UFSP1: variants seen among roughly 807,000 people sequenced by gnomAD.
UFSP1 encodes UFM1 specific peptidase 1, also known as ufm1-specific protease 1.
For missense variants in UFSP1, 261 were observed against 182.7 expected (o/e 1.43, Z -2.47); for synonymous variants, 119 against 77.6 (o/e 1.53, Z -2.81).
Position 100,888,943 on chromosome 7 carries a change from A to AC in UFSP1, c.328dup (p.Val110GlyfsTer11). On this transcript the variant is annotated frameshift_variant, in exon 1 of 1. Transcript: ENST00000388761. LOFTEE classifies it low-confidence loss of function (END_TRUNC). ...GGCTGCACTCACCTCTTGCCAGCCCACCCACCCAGCAGCCTGTAGTTCACT... is the reference window on the plus strand; with the variant it reads ...GGCTGCACTCACCTCTTGCCAGCCCACCCCACCCAGCAGCCTGTAGTTCACT... 9 of 1,614,072 alleles carry AC rather than the reference A, an allele frequency of 5.6e-6. No homozygotes were observed. Among genetic ancestry groups the AC allele is most frequent in the Non-Finnish European group, 7.6e-6 (9 of 1,180,006 alleles).
chr7:100,888,861 C>T lies in UFSP1; in HGVS notation c.411G>A (p.Gln137=). ...TTCGTCCTCAGTCCAAGGTGCGCTGCTGCTGTTGGGAGCTAAGGCTGGTCA... is the reference window on the plus strand; with the variant it reads ...TTCGTCCTCAGTCCAAGGTGCGCTGTTGCTGTTGGGAGCTAAGGCTGGTCA... Residue 137 remains glutamine, a synonymous_variant, in exon 1 of 1, where the codon CAG becomes CAA. Coordinates refer to ENST00000388761, the MANE Select transcript of UFSP1 (RefSeq NM_001015072.4). The T allele has an allele frequency of 6.2e-7, 1 of 1,610,538 alleles. No individual in the cohort carries two copies.
chr7:100,889,253 CG>C lies in UFSP1; in HGVS notation c.18del (p.Gly7AlafsTer73). 1.3e-6 allele frequency: 2 copies of C among 1,541,162 alleles called. No homozygotes were observed. Among genetic ancestry groups the C allele is most frequent in the South Asian group, 2.5e-5 (2 of 81,206 alleles). ...ATCCAGTCCCGGGAGCCCCGGAAGCCGGGGGGCTTGTCGCCCATGTCCTCCA... is the reference window on the plus strand; with the variant it reads ...ATCCAGTCCCGGGAGCCCCGGAAGCCGGGGGCTTGTCGCCCATGTCCTCCA... On this transcript the variant is annotated frameshift_variant, in exon 1 of 1. Coordinates refer to ENST00000388761, the MANE Select transcript of UFSP1 (RefSeq NM_001015072.4). LOFTEE classifies it low-confidence loss of function (END_TRUNC).
At position 100,889,085 on chromosome 7, in the gene UFSP1, C is replaced by G. The variant is rs1200065824; in HGVS notation, c.187G>C (p.Val63Leu). 11 of 1,613,822 alleles carry G rather than the reference C, an allele frequency of 6.8e-6. No homozygotes were observed. The South Asian group carries it at 8.8e-5, about 13-fold the overall frequency. The change falls in exon 1 of 1, where the codon GTT becomes CTT. Residue 63 changes from valine (V) to leucine (L), a missense_variant. Coordinates refer to ENST00000388761, the MANE Select transcript of UFSP1 (RefSeq NM_001015072.4). Reference sequence around the variant, plus strand: ...GACCTGGCATCTGCGTCCCCCCCAACCATGACTGGGCCCCCACCCCCTGCG... The same window carrying G: ...GACCTGGCATCTGCGTCCCCCCCAAGCATGACTGGGCCCCCACCCCCTGCG...
At position 100,889,253 on chromosome 7, in the gene UFSP1, C is replaced by CG. The variant is rs1790484558; in HGVS notation, c.18dup (p.Gly7ArgfsTer97). ...ATCCAGTCCCGGGAGCCCCGGAAGCCGGGGGGCTTGTCGCCCATGTCCTCC... is the reference window on the plus strand; with the variant it reads ...ATCCAGTCCCGGGAGCCCCGGAAGCCGGGGGGGCTTGTCGCCCATGTCCTCC... On this transcript the variant is annotated frameshift_variant, in exon 1 of 1. Coordinates refer to ENST00000388761, the MANE Select transcript of UFSP1 (RefSeq NM_001015072.4). LOFTEE classifies it low-confidence loss of function (END_TRUNC). 2.6e-6 allele frequency: 4 copies of CG among 1,541,172 alleles called. No homozygotes were observed. Among genetic ancestry groups the CG allele is most frequent in the Non-Finnish European group, 3.5e-6 (4 of 1,148,576 alleles).
Position 100,889,120 on chromosome 7 carries a change from T to C in UFSP1, c.152A>G (p.Tyr51Cys). The stretch of plus-strand genomic sequence containing the variant: ...GCCCCCACCCCCTGCGAAGTGCGAG[T>C]AAAGCCTCTCCAGCTCCCCGTGCAG... The change falls in exon 1 of 1, where the codon TAC becomes TGC. Residue 51 changes from tyrosine to cysteine, a missense_variant. Tyr to Cys is a radical substitution (Grantham distance 194). Coordinates refer to ENST00000388761, the MANE Select transcript of UFSP1 (RefSeq NM_001015072.4). 6.2e-7 allele frequency: 1 copy of C among 1,612,648 alleles called. No homozygotes were observed. Among genetic ancestry groups the C allele is most frequent in the African/African-American group, 1.3e-5 (1 of 74,818 alleles).
In UFSP1 at chr7:100,889,000, T is replaced by G. The variant is rs754539119; in HGVS notation, c.272A>C (p.Asp91Ala). 1 of 1,613,862 alleles carries G rather than the reference T, an allele frequency of 6.2e-7. No individual in the cohort carries two copies. Among genetic ancestry groups the G allele is most frequent in the East Asian group, 2.2e-5 (1 of 44,874 alleles). Residue 91 changes from aspartate (D) to alanine (A), a missense_variant, in exon 1 of 1, where the codon GAC (aspartate) becomes GCC (alanine). Asp to Ala is a moderately radical substitution (Grantham distance 126). Coordinates refer to ENST00000388761, the MANE Select transcript of UFSP1 (RefSeq NM_001015072.4). ...TTTTGGAGTGCCCCAGTAGTGAGGG[T>G]CCAATACCAGGACATAGGCTTCCGT...
At position 100,888,739 on chromosome 7, in the gene UFSP1, CTT is replaced by C; in HGVS notation, c.*102_*103del. 1 of 1,508,906 alleles carries C rather than the reference CTT, an allele frequency of 6.6e-7. No homozygotes were observed. Among genetic ancestry groups the C allele is most frequent in the Non-Finnish European group, 9.1e-7 (1 of 1,096,968 alleles). 93.5% of individuals were successfully genotyped at this position (1,508,906 alleles called of 1,614,324 possible). ...CCTGAGGTGTTGCTCAGCCCTGCCA[CTT>C]TTATTATTGATGTCAAAAGCGCCAG... On this transcript the variant is annotated 3_prime_UTR_variant, in exon 1 of 1. Transcript: ENST00000388761.
chr7:100,888,721 T>A lies in UFSP1; in HGVS notation c.*122A>T. ...CATCCTTCCAGAGTAACTCCTGAGGTGTTGCTCAGCCCTGCCACTTTTATT... is the reference window on the plus strand; with the variant it reads ...CATCCTTCCAGAGTAACTCCTGAGGAGTTGCTCAGCCCTGCCACTTTTATT... On this transcript the variant is annotated 3_prime_UTR_variant, in exon 1 of 1. Coordinates refer to ENST00000388761, the MANE Select transcript of UFSP1 (RefSeq NM_001015072.4). 1 of 1,439,826 alleles carries A rather than the reference T, an allele frequency of 6.9e-7. No homozygotes were observed. The highest frequency in any genetic ancestry group is 9.7e-7 in the Non-Finnish European group (1 of 1,027,992). The allele number at this position is 1,439,826 out of a possible 1,614,324, so 89.2% of individuals were successfully genotyped here.
At position 100,889,130 on chromosome 7, in the gene UFSP1, C is replaced by G. The variant is rs752042824; in HGVS notation, c.142G>C (p.Glu48Gln). 34 of 1,613,150 alleles carry G rather than the reference C, an allele frequency of 2.1e-5. No individual in the cohort carries two copies. The highest frequency in any genetic ancestry group is 2.6e-5 in the Non-Finnish European group (31 of 1,179,846). Reference sequence around the variant, plus strand: ...CCTGCGAAGTGCGAGTAAAGCCTCTCCAGCTCCCCGTGCAGCCCCACTCCC... The same window carrying G: ...CCTGCGAAGTGCGAGTAAAGCCTCTGCAGCTCCCCGTGCAGCCCCACTCCC... The change falls in exon 1 of 1, where the codon GAG becomes CAG. Residue 48 changes from glutamate to glutamine, a missense_variant. Glu to Gln is a conservative substitution (Grantham distance 29, BLOSUM62 2). Coordinates refer to ENST00000388761, the MANE Select transcript of UFSP1 (RefSeq NM_001015072.4).
In UFSP1 at chr7:100,889,258, G is replaced by T. The variant is rs758184455; in HGVS notation, c.14C>A (p.Pro5His). The change falls in exon 1 of 1, where the codon CCC becomes CAC. Residue 5 changes from proline (P) to histidine (H), a missense_variant. Transcript: ENST00000388761. ...GTCCCGGGAGCCCCGGAAGCCGGGG[G>T]GCTTGTCGCCCATGTCCTCCAGGGC... 2.0e-6 allele frequency: 3 copies of T among 1,537,836 alleles called. No individual in the cohort carries two copies. Among genetic ancestry groups the T allele is most frequent in the Non-Finnish European group, 2.6e-6 (3 of 1,147,340 alleles).
Position 100,889,382 on chromosome 7 carries a change from C to T in UFSP1, c.-111G>A. 1 of 927,070 alleles carries T rather than the reference C, an allele frequency of 1.1e-6. No individual in the cohort carries two copies. The highest frequency in any genetic ancestry group is 1.6e-6 in the Non-Finnish European group (1 of 644,202). 57.4% of individuals were successfully genotyped at this position (927,070 alleles called of 1,614,324 possible). On this transcript the variant is annotated 5_prime_UTR_variant, in exon 1 of 1. Coordinates refer to ENST00000388761, the MANE Select transcript of UFSP1 (RefSeq NM_001015072.4). ...CGGTAGCCGCAGCCCCAGCCGCGGTCGTCCAGGCCGTCGCAGCCGTAGTGG... is the reference window on the plus strand; with the variant it reads ...CGGTAGCCGCAGCCCCAGCCGCGGTTGTCCAGGCCGTCGCAGCCGTAGTGG...
rs541130846 is a variant in UFSP1 at position 100,888,790 on chromosome 7, G to T, written c.*53C>A. 32 of 1,565,484 alleles carry T rather than the reference G, an allele frequency of 2.0e-5. No individual in the cohort carries two copies. Among genetic ancestry groups the T allele is most frequent in the Non-Finnish European group, 2.5e-5 (29 of 1,152,938 alleles). ...AGGCTTTGCAGGGACACCAGTGGGAGGTACATAGGTGCGTGTCTGGGACCC... is the reference window on the plus strand; with the variant it reads ...AGGCTTTGCAGGGACACCAGTGGGATGTACATAGGTGCGTGTCTGGGACCC... On this transcript the variant is annotated 3_prime_UTR_variant, in exon 1 of 1. Coordinates refer to ENST00000388761, the MANE Select transcript of UFSP1 (RefSeq NM_001015072.4).
In UFSP1 at chr7:100,889,384, TC is replaced by T; in HGVS notation, c.-114del. The T allele has an allele frequency of 2.1e-6, 2 of 932,284 alleles. No individual in the cohort carries two copies. Among genetic ancestry groups the T allele is most frequent in the Non-Finnish European group, 3.1e-6 (2 of 648,300 alleles). The allele number at this position is 932,284 out of a possible 1,614,324, so 57.8% of individuals were successfully genotyped here. A position where few individuals can be genotyped will look rare whatever the true frequency, so the allele number is the denominator to read the frequency against. ...GTAGCCGCAGCCCCAGCCGCGGTCG[TC>T]CAGGCCGTCGCAGCCGTAGTGGTAG... On this transcript the variant is annotated 5_prime_UTR_variant, in exon 1 of 1. Transcript: ENST00000388761.
Position 100,888,926 on chromosome 7 carries a change from T to G in UFSP1, c.346A>C (p.Ser116Arg). The G allele has an allele frequency of 6.2e-7, 1 of 1,614,148 alleles. No homozygotes were observed. Among genetic ancestry groups the G allele is most frequent in the Non-Finnish European group, 8.5e-7 (1 of 1,180,028 alleles). The stretch of plus-strand genomic sequence containing the variant: ...AAGGAGTTGGGGTCAAAGGCTGCAC[T>G]CACCTCTTGCCAGCCCACCCACCCA... Residue 116 changes from serine to arginine, a missense_variant, in exon 1 of 1, where the codon AGT (serine) becomes CGT (arginine). Physicochemically the swap from Ser to Arg is moderately radical, Grantham distance 110. Transcript: ENST00000388761.
Position 100,889,050 on chromosome 7 carries a change from CA to C in UFSP1, c.221del (p.Leu74CysfsTer6). The C allele has an allele frequency of 1.9e-6, 3 of 1,614,182 alleles. No individual in the cohort carries two copies. Among genetic ancestry groups the C allele is most frequent in the Non-Finnish European group, 2.5e-6 (3 of 1,180,036 alleles). On this transcript the variant is annotated frameshift_variant, in exon 1 of 1. Coordinates refer to ENST00000388761, the MANE Select transcript of UFSP1 (RefSeq NM_001015072.4). LOFTEE classifies it low-confidence loss of function (END_TRUNC). ...TGCCTGACCCTACGCAGACTCCCAGCAAGGCCTTGGACCTGGCATCTGCGTC... is the reference window on the plus strand; with the variant it reads ...TGCCTGACCCTACGCAGACTCCCAGCAGGCCTTGGACCTGGCATCTGCGTC...
chr7:100,888,967 C>T lies in UFSP1; in HGVS notation c.305G>A (p.Ser102Asn), dbSNP rs1438088829. The T allele has an allele frequency of 1.2e-6, 2 of 1,614,222 alleles. No homozygotes were observed. The highest frequency in any genetic ancestry group is 1.3e-5 in the African/African-American group (1 of 75,056). The change falls in exon 1 of 1, where the codon AGT (serine) becomes AAT (asparagine). Residue 102 changes from serine (S) to asparagine (N), a missense_variant. Transcript: ENST00000388761. ...CACCCACCCAGCAGCCTGTAGTTCA[C>T]TGGGGCTTTTTGGAGTGCCCCAGTA... is the stretch of plus-strand genomic sequence containing the variant.
rs757414600 is a variant in UFSP1 at position 100,889,254 on chromosome 7, G to A, written c.18C>T (p.Pro6=). ...TCCAGTCCCGGGAGCCCCGGAAGCC[G>A]GGGGGCTTGTCGCCCATGTCCTCCA... The change falls in exon 1 of 1, where the codon CCC becomes CCT. Residue 6 remains proline (P), a synonymous_variant. Transcript: ENST00000388761. 33 of 1,539,228 alleles carry A rather than the reference G, an allele frequency of 2.1e-5. No homozygotes were observed. Among genetic ancestry groups the A allele is most frequent in the African/African-American group, 2.8e-5 (2 of 72,696 alleles).
At position 100,889,380 on chromosome 7, in the gene UFSP1, G is replaced by T; in HGVS notation, c.-109C>A. The stretch of plus-strand genomic sequence containing the variant: ...TGCGGTAGCCGCAGCCCCAGCCGCG[G>T]TCGTCCAGGCCGTCGCAGCCGTAGT... On this transcript the variant is annotated 5_prime_UTR_variant, in exon 1 of 1. Transcript: ENST00000388761. 1.0e-6 allele frequency: 1 copy of T among 985,272 alleles called. No individual in the cohort carries two copies. 61.0% of individuals were successfully genotyped at this position (985,272 alleles called of 1,614,324 possible). A position where few individuals can be genotyped will look rare whatever the true frequency, so the allele number is the denominator to read the frequency against.
Position 100,889,061 on chromosome 7 carries a change from AC to A in UFSP1, c.210del (p.Arg70SerfsTer10). 6.2e-7 allele frequency: 1 copy of A among 1,613,986 alleles called. No individual in the cohort carries two copies. Among genetic ancestry groups the A allele is most frequent in the Non-Finnish European group, 8.5e-7 (1 of 1,179,984 alleles). On this transcript the variant is annotated frameshift_variant, in exon 1 of 1. Coordinates refer to ENST00000388761, the MANE Select transcript of UFSP1 (RefSeq NM_001015072.4). LOFTEE classifies it low-confidence loss of function (END_TRUNC). The stretch of plus-strand genomic sequence containing the variant: ...ACGCAGACTCCCAGCAAGGCCTTGG[AC>A]CTGGCATCTGCGTCCCCCCCAACCA...
Sources: gnomAD v4.1 joint callset for allele counts on GRCh38, gnomAD v4.1.1 for gene constraint, MANE v1.5 for transcripts, NCBI Gene and HGNC (gene_info 2026-07-23, HGNC 2026-07-21) for gene names.